Variants in UACA observed in about 807,000 individuals in gnomAD.
The protein encoded by UACA is nuclear membrane binding protein.
A neutral mutation model predicts 160.5 loss-of-function variants in UACA; 112 were observed. The observed-to-expected ratio is 0.70, with a 90% CI of 0.60 to 0.82. The LOEUF (loss-of-function observed/expected upper bound fraction) is 0.82, where lower values mean the gene tolerates loss of function less well. Among genes scored for constraint, UACA ranks in the 40% least tolerant of loss-of-function variants. The probability of loss-of-function intolerance (pLI) is 0.00; values close to 1 mark genes in which losing one functional copy is unlikely to be tolerated. For synonymous variants in UACA, 557 were observed against 568.4 expected (o/e 0.98, Z 0.29); for missense variants, 1,574 against 1,614.6 (o/e 0.97, Z 0.43).
rs573146642 is a variant in UACA, at chr15:70,691,184, A to G, written c.366+115T>C. ...AATGATGGAAAAAATATGTAAGCTC[A>G]TAGTCAAAGTTAGTTTACTATTCTC... On this transcript the variant is annotated intron_variant, in intron 4 of 18. Coordinates refer to ENST00000322954, the MANE Select transcript of UACA (RefSeq NM_018003.4). The G allele has an allele frequency of 1.5e-5, 10 of 658,756 alleles. No homozygotes were observed. In the South Asian group the frequency reaches 2.9e-4, roughly 19 times the overall value. 40.8% of individuals were successfully genotyped at this position (658,756 alleles called of 1,614,324 possible).
At position 70,668,471 on chromosome 15, in the gene UACA, ATTG is replaced by A. The variant is rs1378003575; in HGVS notation, c.2210_2212del (p.Thr737del). On this transcript the variant is annotated inframe_deletion, in exon 16 of 19. Transcript: ENST00000322954. ...AGGAACATAATGATTTTTCATTTCA[ATTG>A]TTAAGTTATGTGCTTGCTCCTTGAG... The A allele has an allele frequency of 1.2e-6, 2 of 1,612,210 alleles. No individual in the cohort carries two copies. The highest frequency in any genetic ancestry group is 2.7e-5 in the African/African-American group (2 of 74,894).
intron 17 of UACA, among the ~76,000 whole-genome samples, chr15:70,663,070 C>A (rs931627215): frequency 6.6e-6 from 1 of 152,122 alleles, no homozygotes; most frequent in Non-Finnish European, 1.5e-5. Flanking sequence ...TCAGAGTGAA[C>A]AGGCAACCTA....
intron 1 of UACA, among the ~76,000 whole-genome samples, chr15:70,723,287 C>A (rs1205509857): frequency 1.3e-5 from 2 of 152,208 alleles, no homozygotes. Flanking sequence ...GGAGCTCAGG[C>A]ATTTGAGACC....
chr15:70,662,811 G>T (rs886161045), intron 17 of UACA, among the ~76,000 whole-genome samples: 1 of 152,082 alleles, frequency 6.6e-6, no homozygotes, highest in Non-Finnish European at 1.5e-5. Context: ...CTAGCCATAC[G>T]CAGAAAGCTG....
chr15:70,684,132 G>C, intron 8 of UACA, 133 bp downstream of exon 8: 2 of 699,846 alleles, frequency 2.9e-6, no homozygotes, highest in Non-Finnish European at 4.6e-6. Flanking sequence ...ATGTTGTAGA[G>C]GGAGATGAAC....
At chr15:70,672,769 G>A (rs2140913420) in intron 13 of UACA, among the ~76,000 whole-genome samples, 1 of 152,242 alleles carries the variant, frequency 6.6e-6, no homozygotes, top group East Asian at 1.9e-4. Flanking sequence ...GACCAGCCTA[G>A]GCAACGTGGT....
At chr15:70,745,041 G>C (rs768300801) in intron 1 of UACA, among the ~76,000 whole-genome samples, 1 of 152,084 alleles carries the variant, frequency 6.6e-6, no homozygotes, top group Non-Finnish European at 1.5e-5. Context: ...AAATTTACTG[G>C]GGAAAAATAT....
In UACA at chr15:70,696,121, A is replaced by T. The variant is rs757126441; in HGVS notation, c.213-1016T>A. On this transcript the variant is annotated intron_variant, in intron 2 of 18. Coordinates refer to ENST00000322954, the MANE Select transcript of UACA (RefSeq NM_018003.4). ...AAGTGCTCAGCAGGTGCCAGGATAC[A>T]GATACACTCTTGTAGCCCACTCTCA... 1.6e-4 allele frequency among the ~76,000 whole-genome samples: 25 copies of T among 152,206 alleles called. 1 individual carries two copies. Among genetic ancestry groups the T allele is most frequent in the Admixed American group, 4.6e-4 (7 of 15,270 alleles).
intron 1 of UACA, among the ~76,000 whole-genome samples, chr15:70,744,849 C>T (rs1413001426): frequency 6.6e-6 from 1 of 151,986 alleles, no homozygotes; most frequent in African/African-American, 2.4e-5. Context: ...TGGTATTAAC[C>T]AGTAGAAAGA....
At chr15:70,677,174 C>T (rs375147681) in intron 11 of UACA, 34 bp from the exon 12 acceptor site, 35 of 1,523,992 alleles carry the variant, frequency 2.3e-5, no homozygotes, top group Admixed American at 1.5e-4. Context: ...TATTTTAATT[C>T]TTAAAAGCCT....
At chr15:70,703,253 G>A in intron 1 of UACA, 1 of 1,287,288 alleles carries the variant, frequency 7.8e-7, no homozygotes, top group Non-Finnish European at 1.0e-6. Flanking sequence ...CCTCTAAAAA[G>A]ACACATTTGT....
At position 70,754,667 on chromosome 15, in the gene UACA, T is replaced by C. The variant is rs776822483; in HGVS notation, c.78+8663A>G. On this transcript the variant is annotated intron_variant, in intron 1 of 18. Coordinates refer to ENST00000322954, the MANE Select transcript of UACA (RefSeq NM_018003.4). ...ACATCAGTTCATCTTCTGCATATCA[T>C]CTTGGAGACTGTATCATTTGAAAAT... 3.3e-5 allele frequency among the ~76,000 whole-genome samples: 5 copies of C among 152,296 alleles called. 1 individual carries two copies. In the South Asian group the frequency reaches 8.3e-4, roughly 25 times the overall value.
intron 1 of UACA, chr15:70,749,145 G>T: frequency 2.6e-6 from 1 of 387,610 alleles, no homozygotes; most frequent in South Asian, 1.9e-5. Flanking sequence ...GTTAACTTTC[G>T]GATCTAAGTA....
chr15:70,758,117 T>G (rs1446967795), intron 1 of UACA, among the ~76,000 whole-genome samples: 1 of 152,192 alleles, frequency 6.6e-6, no homozygotes, highest in Admixed American at 6.5e-5. Flanking sequence ...CTAATTAAAA[T>G]CCTTTACTCA....
At chr15:70,766,397 T>G (rs1480859447), upstream of UACA, among the ~76,000 whole-genome samples, 1 of 152,228 alleles carries the variant, frequency 6.6e-6, no homozygotes, top group Non-Finnish European at 1.5e-5. Flanking sequence ...GATGACCTTT[T>G]GTTTGTTATC....
At chr15:70,778,548 T>C in the UACA span, among the ~76,000 whole-genome samples, 3 of 152,172 alleles carry the variant, frequency 2.0e-5, no homozygotes, top group African/African-American at 4.8e-5. Context: ...CTAGGAAAGA[T>C]TTTTTTATTT....
intron 1 of UACA, among the ~76,000 whole-genome samples, chr15:70,705,444 G>A (rs11853123): frequency 0.14 from 20,587 of 152,010 alleles, 1,707 homozygotes; most frequent in African/African-American, 0.23. Flanking sequence ...GCTGAGGAAG[G>A]AAAATCGCTT....
At chr15:70,695,412 T>G (rs1566979951) in intron 2 of UACA, among the ~76,000 whole-genome samples, 1 of 151,960 alleles carries the variant, frequency 6.6e-6, no homozygotes, top group South Asian at 2.1e-4. Context: ...AGCAAAAGCA[T>G]TGCTGCTTGG....
chr15:70,701,844 T>C, intron 1 of UACA: 1 of 1,585,280 alleles, frequency 6.3e-7, no homozygotes, highest in Non-Finnish European at 8.6e-7. Flanking sequence ...TAACCAAGAA[T>C]CTTTTGTTAC....
Sources: gnomAD v4.1 joint callset for allele counts (sites outside exome capture counted in the v4.1 genomes callset) on GRCh38, gnomAD v4.1.1 for gene constraint, MANE v1.5 for transcripts, NCBI Gene and HGNC (gene_info 2026-07-23, HGNC 2026-07-21) for gene names.